ARHGAP18: variants seen among roughly 807,000 people sequenced by gnomAD.
ARHGAP18 encodes Rho GTPase activating protein 18.
A neutral mutation model predicts 86.2 loss-of-function variants in ARHGAP18; 67 were observed. The ratio of observed to expected loss-of-function variants is 0.78; its 90% CI spans 0.64 to 0.95. The LOEUF (loss-of-function observed/expected upper bound fraction) is 0.95. ARHGAP18 is among the 40% of genes least tolerant of loss of function. ARHGAP18 has a pLI of 0.00. For missense variants in ARHGAP18, 691 were observed against 780.4 expected, an observed-to-expected ratio of 0.89 and a Z score of 1.37; for synonymous variants, 283 against 280.4, an observed-to-expected ratio of 1.01 and a Z score of -0.09.
At chr6:129,612,335 G>A (rs1357978223) in intron 7 of ARHGAP18, among the ~76,000 whole-genome samples, 1 of 152,174 alleles carries the variant, frequency 6.6e-6, no homozygotes, top group East Asian at 1.9e-4. Flanking sequence ...AGTACACAAA[G>A]GCCGTATAAA....
chr6:129,710,011 T>A lies in ARHGAP18; in HGVS notation c.113+13A>T. 6.2e-7 allele frequency: 1 copy of A among 1,607,634 alleles called. No homozygotes were observed. Among genetic ancestry groups the A allele is most frequent in the Non-Finnish European group, 8.5e-7 (1 of 1,174,130 alleles). On this transcript the variant is annotated intron_variant, in intron 1 of 14. Coordinates refer to ENST00000368149, the MANE Select transcript of ARHGAP18 (RefSeq NM_033515.3). The stretch of plus-strand genomic sequence containing the variant: ...AGAGGGTTTTGTTTTGTTTTCAGCT[T>A]CCGAAGGCTTACCTCGAGGTGGCTT...
intron 4 of ARHGAP18, among the ~76,000 whole-genome samples, chr6:129,633,134 A>C (rs988486495): frequency 2.6e-5 from 4 of 152,186 alleles, no homozygotes; most frequent in Non-Finnish European, 4.4e-5. Context: ...TAAAGCCTTA[A>C]TAGTAACTTT....
intron 1 of ARHGAP18, among the ~76,000 whole-genome samples, chr6:129,680,942 G>T (rs548273981): frequency 6.6e-6 from 1 of 152,142 alleles, no homozygotes; most frequent in African/African-American, 2.4e-5. Context: ...CTGCCTTCCC[G>T]ATAAACCCTT....
At chr6:129,615,182 T>C (rs1281531503) in intron 7 of ARHGAP18, among the ~76,000 whole-genome samples, 1 of 152,254 alleles carries the variant, frequency 6.6e-6, no homozygotes, top group Non-Finnish European at 1.5e-5. Flanking sequence ...AAATTGCAAC[T>C]GCTACTGACA....
At chr6:129,689,694 C>T (rs1774491268) in intron 1 of ARHGAP18, among the ~76,000 whole-genome samples, 3 of 152,132 alleles carry the variant, frequency 2.0e-5, no homozygotes, top group African/African-American at 2.4e-5. Context: ...ATTATAGGTT[C>T]GCATTAAAAT....
intron 1 of ARHGAP18, 96 bp downstream of exon 1, chr6:129,709,928 G>A: frequency 1.0e-6 from 1 of 963,350 alleles, no homozygotes; most frequent in Admixed American, 2.0e-5. Context: ...TCGACGTGCA[G>A]ATGGAATTCC....
intron 1 of ARHGAP18, among the ~76,000 whole-genome samples, chr6:129,642,536 T>A (rs1773490761): frequency 6.6e-6 from 1 of 151,786 alleles, no homozygotes; most frequent in Admixed American, 6.6e-5. Flanking sequence ...CCTCAACTGA[T>A]CCTCCCACCT....
At chr6:129,599,378 C>A in intron 11 of ARHGAP18, 22 bp from the exon 12 acceptor site, 4 of 1,444,384 alleles carry the variant, frequency 2.8e-6, no homozygotes, top group Non-Finnish European at 3.7e-6. Context: ...AGGAATTAAG[C>A]TTAGAGAGGA....
At chr6:129,686,052 A>C (rs1264137725) in intron 1 of ARHGAP18, among the ~76,000 whole-genome samples, 1 of 152,208 alleles carries the variant, frequency 6.6e-6, no homozygotes, top group Non-Finnish European at 1.5e-5. Flanking sequence ...GTCTGTGCTA[A>C]AGGAAAATTA....
chr6:129,621,086 T>C (rs1333662092), intron 5 of ARHGAP18, among the ~76,000 whole-genome samples: 2 of 152,210 alleles, frequency 1.3e-5, no homozygotes, highest in Non-Finnish European at 2.9e-5. Context: ...AATATTGTTA[T>C]ATTAAATGGA....
At chr6:129,675,712 G>C (rs887381484) in intron 1 of ARHGAP18, among the ~76,000 whole-genome samples, 4 of 152,198 alleles carry the variant, frequency 2.6e-5, no homozygotes, top group African/African-American at 9.7e-5. Context: ...GAGTATCTCA[G>C]AGGGAATAAG....
chr6:129,682,478 C>T (rs2114538186), intron 1 of ARHGAP18, among the ~76,000 whole-genome samples: 1 of 152,322 alleles, frequency 6.6e-6, no homozygotes, highest in South Asian at 2.1e-4. Flanking sequence ...AGCTGTCACC[C>T]ACACAGGATG....
intron 2 of ARHGAP18, among the ~76,000 whole-genome samples, chr6:129,640,437 A>G (rs1773431990): frequency 6.6e-6 from 1 of 152,252 alleles, no homozygotes; most frequent in Non-Finnish European, 1.5e-5. Flanking sequence ...TGCTACTTCC[A>G]TCTTGAAACA....
chr6:129,705,110 C>T (rs559999462), intron 1 of ARHGAP18, among the ~76,000 whole-genome samples: 3 of 152,328 alleles, frequency 2.0e-5, no homozygotes, highest in South Asian at 2.1e-4. Context: ...ACCCTCCCTG[C>T]ACCCAGATGT....
At position 129,577,725 on chromosome 6, in the gene ARHGAP18, TAGAC is replaced by T. The variant is rs2114420134; in HGVS notation, c.*784_*787del. On this transcript the variant is annotated 3_prime_UTR_variant, in exon 15 of 15. Coordinates refer to ENST00000368149, the MANE Select transcript of ARHGAP18 (RefSeq NM_033515.3). ...TAAAATTCCATTTAGAAGAGTACAG[TAGAC>T]AGAAAGTGCTTTGGCTTTCACTCTC... The T allele has an allele frequency of 6.6e-6, 1 of 152,340 alleles. No homozygotes were observed. The highest frequency in any genetic ancestry group is 1.9e-4 in the East Asian group (1 of 5,192). The allele number at this position is 152,340 out of a possible 1,614,324, so 9.4% of individuals were successfully genotyped here. A position where few individuals can be genotyped will look rare whatever the true frequency, so the allele number is the denominator to read the frequency against.
intron 14 of ARHGAP18, among the ~76,000 whole-genome samples, chr6:129,579,327 T>A (rs1788240998): frequency 6.6e-6 from 1 of 152,112 alleles, no homozygotes; most frequent in South Asian, 2.1e-4. Flanking sequence ...AGAATAAACC[T>A]TCACATTCCT....
chr6:129,659,610 G>T (rs150507938), intron 1 of ARHGAP18, among the ~76,000 whole-genome samples: 2 of 152,244 alleles, frequency 1.3e-5, no homozygotes, highest in African/African-American at 4.8e-5. Flanking sequence ...CAGGATTACA[G>T]GCACTCGCCA....
At chr6:129,601,676 G>T (rs1290267790) in intron 10 of ARHGAP18, among the ~76,000 whole-genome samples, 3 of 150,232 alleles carry the variant, frequency 2.0e-5, no homozygotes, top group African/African-American at 7.3e-5. Context: ...TGCCCAGGCT[G>T]GTGTGCAGTG....
In ARHGAP18 at chr6:129,677,474, T is replaced by C. The variant is rs144255140; in HGVS notation, c.113+32550A>G. On this transcript the variant is annotated intron_variant, in intron 1 of 14. Transcript: ENST00000368149. ...CTTGTTCATAATAATTACACTAACT[T>C]ATGGTTATGGGTAGCTAGTTTTAGC... is the stretch of plus-strand genomic sequence containing the variant. 1.3e-4 allele frequency among the ~76,000 whole-genome samples: 20 copies of C among 152,330 alleles called. No individual in the cohort carries two copies. The East Asian group carries it at 2.9e-3, about 22-fold the overall frequency.
Sources: allele counts gnomAD v4.1 joint callset (sites outside exome capture counted in the v4.1 genomes callset), GRCh38; gene constraint gnomAD v4.1.1; transcripts MANE v1.5; gene names NCBI Gene and HGNC (gene_info 2026-07-23, HGNC 2026-07-21).